BBX: variants seen among roughly 807,000 people sequenced by gnomAD.
The protein encoded by BBX is BBX high mobility group box domain containing, also known as HMG box transcription factor BBX.
Under a neutral mutation model 100.2 loss-of-function variants are expected in BBX, and 30 were observed. That is an observed-to-expected ratio of 0.30 (90% confidence interval 0.22 to 0.41). BBX has a LOEUF of 0.41. Among genes scored for constraint, BBX ranks in the 10% least tolerant of loss-of-function variants. The pLI, the probability that BBX is intolerant of heterozygous loss-of-function variation, is 1.00. For missense variants in BBX, 1,023 were observed against 1,129.8 expected (o/e 0.91, Z 1.35); for synonymous variants, 376 against 388.1 (o/e 0.97, Z 0.37).
intron 2 of BBX, among the ~76,000 whole-genome samples, chr3:107,540,818 C>A (rs572365360): frequency 2.6e-5 from 4 of 152,138 alleles, no homozygotes; most frequent in African/African-American, 4.8e-5. Context: ...TATACTATTA[C>A]AATTAGTACT....
chr3:107,693,139 T>G (rs1171524720), intron 3 of BBX, among the ~76,000 whole-genome samples: 3 of 149,630 alleles, frequency 2.0e-5, no homozygotes, highest in Non-Finnish European at 4.5e-5. Context: ...TTTCTCCCAT[T>G]TTGTAGGTTG....
In BBX at chr3:107,806,187, T is replaced by C. The variant is rs1220319791; in HGVS notation, c.*730T>C. 1 of 151,612 alleles carries C rather than the reference T, an allele frequency of 6.6e-6. No homozygotes were observed. The highest frequency in any genetic ancestry group is 1.5e-5 in the Non-Finnish European group (1 of 67,940). 9.4% of individuals were successfully genotyped at this position (151,612 alleles called of 1,614,324 possible). On this transcript the variant is annotated 3_prime_UTR_variant, in exon 18 of 18. Coordinates refer to ENST00000325805, the MANE Select transcript of BBX (RefSeq NM_001142568.3). ...TCTGAATTTTTTTCTTAGCCTTGAG[T>C]GACCAAGAAGAATTTGCTTGAGGCA...
At chr3:107,729,030 A>G in intron 6 of BBX, 70 bp downstream of exon 6, 11 of 1,503,328 alleles carry the variant, frequency 7.3e-6, no homozygotes, top group Middle Eastern at 1.8e-4. Flanking sequence ...ATTTTAAACA[A>G]TACTGAGGGC....
chr3:107,655,473 GAATTCACT>G (rs1339910267), intron 3 of BBX, among the ~76,000 whole-genome samples: 4 of 148,836 alleles, frequency 2.7e-5, no homozygotes, highest in Non-Finnish European at 4.4e-5. Context: ...TTCTTAATGA[GAATTCACT>G]AAGTATGGGA....
chr3:107,789,966 C>T, intron 14 of BBX, 90 bp downstream of exon 14: 2 of 1,014,208 alleles, frequency 2.0e-6, no homozygotes, highest in Non-Finnish European at 2.9e-6. Context: ...CTGCCTTTGC[C>T]TTGTCCTCCC....
chr3:107,543,843 T>C (rs2049024714), intron 2 of BBX, among the ~76,000 whole-genome samples: 1 of 152,200 alleles, frequency 6.6e-6, no homozygotes, highest in South Asian at 2.1e-4. Flanking sequence ...AGAAAAGAAG[T>C]TTGTAAAGCC....
At position 107,806,477 on chromosome 3, in the gene BBX, T is replaced by C. The variant is rs1576910999; in HGVS notation, c.*1020T>C. 6.6e-6 allele frequency: 1 copy of C among 152,210 alleles called. No homozygotes were observed. The highest frequency in any genetic ancestry group is 1.5e-5 in the Non-Finnish European group (1 of 68,052). 9.4% of individuals were successfully genotyped at this position (152,210 alleles called of 1,614,324 possible). A position where few individuals can be genotyped will look rare whatever the true frequency, so the allele number is the denominator to read the frequency against. Reference sequence around the variant, plus strand: ...ATCCATCACAGATTGGCTGGACGGGTTGCAATTGCTATGCACAGCCTGATT... The same window carrying C: ...ATCCATCACAGATTGGCTGGACGGGCTGCAATTGCTATGCACAGCCTGATT... On this transcript the variant is annotated 3_prime_UTR_variant, in exon 18 of 18. Coordinates refer to ENST00000325805, the MANE Select transcript of BBX (RefSeq NM_001142568.3).
chr3:107,564,114 T>C (rs1193434027), intron 2 of BBX, among the ~76,000 whole-genome samples: 1 of 152,202 alleles, frequency 6.6e-6, no homozygotes, highest in Non-Finnish European at 1.5e-5. Context: ...TTGTTTTAAT[T>C]TGAATTTTCC....
At chr3:107,762,491 C>A (rs2107712537) in intron 10 of BBX, among the ~76,000 whole-genome samples, 1 of 152,312 alleles carries the variant, frequency 6.6e-6, no homozygotes, top group South Asian at 2.1e-4. Context: ...GTGTATATTT[C>A]TCTGGCACAA....
chr3:107,638,764 A>T (rs1203706487), intron 2 of BBX, among the ~76,000 whole-genome samples: 1 of 128,328 alleles, frequency 7.8e-6, no homozygotes, highest in Non-Finnish European at 1.7e-5. Context: ...CTACCAAAAA[A>T]AAAAAAAAAA....
intron 2 of BBX, among the ~76,000 whole-genome samples, chr3:107,613,577 A>G (rs929091180): frequency 6.6e-6 from 1 of 151,954 alleles, no homozygotes; most frequent in African/African-American, 2.4e-5. Flanking sequence ...TTACTAGTAG[A>G]ATTAGTTAAT....
rs531493178 is a variant in BBX at position 107,705,902 on chromosome 3, T to C, written c.-9-4550T>C. On this transcript the variant is annotated intron_variant, in intron 3 of 17. Transcript: ENST00000325805. ...CTATCAGGCTCCAGTGTCCTTTTTT[T>C]TTCTTCTTCTTTTAATAAATATGGC... Among the ~76,000 whole-genome samples, 9 of 152,278 alleles carry C rather than the reference T, an allele frequency of 5.9e-5. No individual in the cohort carries two copies. The East Asian group carries it at 1.2e-3, about 20-fold the overall frequency.
chr3:107,650,211 G>T (rs1189208578), intron 3 of BBX, among the ~76,000 whole-genome samples: 2 of 152,150 alleles, frequency 1.3e-5, no homozygotes, highest in East Asian at 3.8e-4. Flanking sequence ...AGGTTGCACA[G>T]CAGGAGCTGA....
chr3:107,538,572 A>G (rs939777201), intron 2 of BBX, among the ~76,000 whole-genome samples: 7 of 152,302 alleles, frequency 4.6e-5, no homozygotes, highest in Non-Finnish European at 8.8e-5. Context: ...TTTTTCAAAT[A>G]GAACTATATA....
intron 2 of BBX, among the ~76,000 whole-genome samples, chr3:107,607,420 G>T (rs1239191778): frequency 6.6e-6 from 1 of 152,122 alleles, no homozygotes; most frequent in Non-Finnish European, 1.5e-5. Context: ...GTATTCCATT[G>T]TGTGTGTGTA....
rs543513151 is a variant in BBX at position 107,549,628 on chromosome 3, C to A, written c.-84+23230C>A. Among the ~76,000 whole-genome samples, 4 of 152,232 alleles carry A rather than the reference C, an allele frequency of 2.6e-5. No homozygotes were observed. The South Asian group carries it at 6.2e-4, about 24-fold the overall frequency. On this transcript the variant is annotated intron_variant, in intron 2 of 17. Coordinates refer to ENST00000325805, the MANE Select transcript of BBX (RefSeq NM_001142568.3). ...ATGAAAAGTTGTACAGAAGTTTGTA[C>A]CTGGTGGCAGACTTTTGGGAATCTA... is the stretch of plus-strand genomic sequence containing the variant.
At position 107,526,601 on chromosome 3, in the gene BBX, A is replaced by G. The variant is rs1051207359; in HGVS notation, c.-84+203A>G. The G allele has an allele frequency of 8.0e-6, 3 of 372,706 alleles. No homozygotes were observed. The Admixed American group carries it at 1.4e-4, about 17-fold the overall frequency. 23.1% of individuals were successfully genotyped at this position (372,706 alleles called of 1,614,324 possible). ...GTGGGTTATTATTAAGATAGTAAAT[A>G]TTCATTTTGTGTTTATCTACAAGTA... On this transcript the variant is annotated intron_variant, in intron 2 of 17. Transcript: ENST00000325805.
intron 2 of BBX, among the ~76,000 whole-genome samples, chr3:107,607,565 A>G (rs2054542778): frequency 6.6e-6 from 1 of 152,156 alleles, no homozygotes; most frequent in Non-Finnish European, 1.5e-5. Flanking sequence ...TCTTTTAGGT[A>G]GTATATATCT....
In BBX at chr3:107,745,095, TTTTTC is replaced by T. The variant is rs556202542; in HGVS notation, c.750+395_750+399del. 5.6e-3 allele frequency among the ~76,000 whole-genome samples: 849 copies of T among 152,284 alleles called. 7 individuals carry two copies. The highest frequency in any genetic ancestry group is 0.019 in the African/African-American group (809 of 41,556). On this transcript the variant is annotated intron_variant, in intron 8 of 17. Transcript: ENST00000325805. ...GCTATGCAGCTAATCTATGCATTTC[TTTTTC>T]TTTTCTTTTTTTAGTGCACTTTCAT...
Sources: gnomAD v4.1 joint callset for allele counts (sites outside exome capture counted in the v4.1 genomes callset) on GRCh38, gnomAD v4.1.1 for gene constraint, MANE v1.5 for transcripts, NCBI Gene and HGNC (gene_info 2026-07-23, HGNC 2026-07-21) for gene names.